The following NKIRAS1 variants were observed in gnomAD, a reference collection of about 807,000 sequenced individuals.
NKIRAS1 encodes NFKB inhibitor interacting Ras like 1, also known as NF-kappa-B inhibitor-interacting Ras-like protein 1.
Under a neutral mutation model 19.8 loss-of-function variants are expected in NKIRAS1, and 16 were observed. The observed-to-expected ratio is 0.81, with a 90% CI of 0.55 to 1.23. The LOEUF is 1.23. Ranked by LOEUF, NKIRAS1 falls within the 50% of genes most tolerant of loss-of-function variation. The probability of loss-of-function intolerance (pLI) is 0.00; values close to 1 mark genes in which losing one functional copy is unlikely to be tolerated. For missense variants in NKIRAS1, 184 were observed against 220.0 expected (o/e 0.84, Z 1.04); for synonymous variants, 88 against 79.0 (o/e 1.11, Z -0.61).
At chr3:23,943,859 T>C (rs2125273322) in intron 1 of NKIRAS1, among the ~76,000 whole-genome samples, 1 of 152,362 alleles carries the variant, frequency 6.6e-6, no homozygotes, top group East Asian at 1.9e-4. Flanking sequence ...CCCACATCTG[T>C]GCAGGGCGAA....
chr3:23,923,538 AT>A (rs1341313098), intron 1 of NKIRAS1: 1 of 152,152 alleles, frequency 6.6e-6, no homozygotes, highest in Non-Finnish European at 1.5e-5. Flanking sequence ...TTCTTTTGGT[AT>A]AACTGCATGG....
chr3:23,904,772 C>G (rs1259288122), intron 3 of NKIRAS1, among the ~76,000 whole-genome samples: 1 of 152,140 alleles, frequency 6.6e-6, no homozygotes, highest in Admixed American at 6.5e-5. Flanking sequence ...GACACACCTT[C>G]TATGAATCAG....
At position 23,890,335 on chromosome 3, in the gene NKIRAS1, T is replaced by TTATG. The variant is rs763083858; in HGVS notation, c.*2756_*2759dup. Among the ~76,000 whole-genome samples, 1 of 152,168 alleles carries TTATG rather than the reference T, an allele frequency of 6.6e-6. No homozygotes were observed. Among genetic ancestry groups the TTATG allele is most frequent in the Non-Finnish European group, 1.5e-5 (1 of 68,028 alleles). On this transcript the variant is annotated 3_prime_UTR_variant, in exon 5 of 5. Coordinates refer to ENST00000425478, the MANE Select transcript of NKIRAS1 (RefSeq NM_020345.4). Reference sequence around the variant, plus strand: ...CTAAGCATTCCCTCTTCCCCCAACGTTATGTTTTTTTGAAATTTTGATGGA... The same window carrying TTATG: ...CTAAGCATTCCCTCTTCCCCCAACGTTATGTATGTTTTTTTGAAATTTTGATGGA...
chr3:23,912,383 T>C (rs544851870), intron 1 of NKIRAS1, among the ~76,000 whole-genome samples: 1 of 152,240 alleles, frequency 6.6e-6, no homozygotes, highest in South Asian at 2.1e-4. Context: ...GGGCGAAGGA[T>C]ATGAACAGAC....
intron 1 of NKIRAS1, among the ~76,000 whole-genome samples, chr3:23,945,041 T>C (rs911392708): frequency 1.3e-5 from 2 of 148,524 alleles, no homozygotes; most frequent in Non-Finnish European, 3.0e-5. Flanking sequence ...AGGGGAGGAA[T>C]ATGCGGCGGA....
At position 23,910,894 on chromosome 3, in the gene NKIRAS1, C is replaced by G. The variant is rs762202193; in HGVS notation, c.11G>C (p.Gly4Ala). The change falls in exon 3 of 5, where the codon GGC (glycine) becomes GCC (alanine). Residue 4 changes from glycine (G) to alanine (A), a missense_variant. Coordinates refer to ENST00000425478, the MANE Select transcript of NKIRAS1 (RefSeq NM_020345.4). ...CAATCCACAAACCACAACCTTGCAG[C>G]CCTTTCCCATCTTCTCTCAGGATAT... MGK[G>A]CKVVVCGLLS... 1 of 1,614,080 alleles carries G rather than the reference C, an allele frequency of 6.2e-7. No homozygotes were observed. Among genetic ancestry groups the G allele is most frequent in the Non-Finnish European group, 8.5e-7 (1 of 1,179,934 alleles).
At chr3:23,915,101 G>A (rs1030847974) in intron 1 of NKIRAS1, among the ~76,000 whole-genome samples, 1 of 151,896 alleles carries the variant, frequency 6.6e-6, no homozygotes, top group Admixed American at 6.6e-5. Context: ...ATTTTGCGGG[G>A]GTGATTAAAT....
Position 23,891,142 on chromosome 3 carries a change from T to TA in NKIRAS1, c.*1952dup, listed in dbSNP as rs1701426960. 6.6e-6 allele frequency: 1 copy of TA among 152,620 alleles called. No homozygotes were observed. Among genetic ancestry groups the TA allele is most frequent in the African/African-American group, 2.4e-5 (1 of 41,432 alleles). 9.5% of individuals were successfully genotyped at this position (152,620 alleles called of 1,614,324 possible). ...ATTTTATATGCCAATCTACTTTGTT[T>TA]AAAAAAGGTCTGAATCAGGACTTGT... is the stretch of plus-strand genomic sequence containing the variant. On this transcript the variant is annotated 3_prime_UTR_variant, in exon 5 of 5. Transcript: ENST00000425478.
chr3:23,909,867 T>TG (rs1415141733), intron 3 of NKIRAS1, among the ~76,000 whole-genome samples: 284 of 149,898 alleles, frequency 1.9e-3, no homozygotes, highest in African/African-American at 5.9e-3. Flanking sequence ...TTTTTTTGTT[T>TG]TTTTTTTTTT....
At chr3:23,936,729 C>G (rs1705400483) in intron 1 of NKIRAS1, among the ~76,000 whole-genome samples, 1 of 152,112 alleles carries the variant, frequency 6.6e-6, no homozygotes, top group Non-Finnish European at 1.5e-5. Flanking sequence ...TGTATTTTTA[C>G]TAGAGATGAG....
At chr3:23,903,495 C>T (rs557731562) in intron 3 of NKIRAS1, among the ~76,000 whole-genome samples, 8 of 151,892 alleles carry the variant, frequency 5.3e-5, no homozygotes, top group Non-Finnish European at 8.8e-5. Context: ...AAGAAGAGAC[C>T]GCTACAGAGA....
chr3:23,928,799 C>G (rs1705255582), intron 1 of NKIRAS1, among the ~76,000 whole-genome samples: 1 of 150,994 alleles, frequency 6.6e-6, no homozygotes, highest in Non-Finnish European at 1.5e-5. Context: ...CAAGACCTGC[C>G]TAGGCAACAC....
rs779076809 is a variant in NKIRAS1 at position 23,890,674 on chromosome 3, G to A, written c.*2421C>T. The stretch of plus-strand genomic sequence containing the variant: ...GAGAGCTGCTTATGATTTTGAAGGG[G>A]TCAGGGAGGGTGGGAGTTGGTAAAG... On this transcript the variant is annotated 3_prime_UTR_variant, in exon 5 of 5. Coordinates refer to ENST00000425478, the MANE Select transcript of NKIRAS1 (RefSeq NM_020345.4). 1.2e-5 allele frequency: 14 copies of A among 1,202,768 alleles called. No individual in the cohort carries two copies. Among genetic ancestry groups the A allele is most frequent in the Non-Finnish European group, 1.7e-5 (14 of 841,876 alleles). 74.5% of individuals were successfully genotyped at this position (1,202,768 alleles called of 1,614,324 possible). A position where few individuals can be genotyped will look rare whatever the true frequency, so the allele number is the denominator to read the frequency against.
At chr3:23,897,488 T>C (rs1702097710) in intron 4 of NKIRAS1, among the ~76,000 whole-genome samples, 1 of 152,154 alleles carries the variant, frequency 6.6e-6, no homozygotes, top group East Asian at 1.9e-4. Context: ...TTAAGCCATA[T>C]CATGTCATTC....
intron 4 of NKIRAS1, among the ~76,000 whole-genome samples, chr3:23,894,914 C>A (rs117219953): frequency 6.6e-6 from 1 of 152,218 alleles, no homozygotes; most frequent in Non-Finnish European, 1.5e-5. Flanking sequence ...GGTCATAATT[C>A]TTAGTGATTT....
chr3:23,924,030 G>A (rs1705164220), intron 1 of NKIRAS1: 1 of 152,138 alleles, frequency 6.6e-6, no homozygotes, highest in Non-Finnish European at 1.5e-5. Context: ...TTCCCTCCAA[G>A]AAAAACAACA....
chr3:23,913,040 CAAA>C (rs1169515621), intron 1 of NKIRAS1, among the ~76,000 whole-genome samples: 1 of 47,708 alleles, frequency 2.1e-5, no homozygotes, highest in Admixed American at 2.2e-4. Context: ...GACTCCGTCT[CAAA>C]AAAAAAAAAA....
At chr3:23,897,043 C>CA (rs568836607) in intron 4 of NKIRAS1, among the ~76,000 whole-genome samples, 52 of 151,450 alleles carry the variant, frequency 3.4e-4, no homozygotes, top group South Asian at 2.3e-3. Context: ...CTTGTCTTTG[C>CA]AAAAAAATAA....
chr3:23,917,951 G>A, upstream of NKIRAS1: 1 of 1,613,772 alleles, frequency 6.2e-7, no homozygotes, highest in Non-Finnish European at 8.5e-7. Context: ...TGGCAGTACC[G>A]CCAGCTCTCT....
Sources: allele counts gnomAD v4.1 joint callset (sites outside exome capture counted in the v4.1 genomes callset), GRCh38; gene constraint gnomAD v4.1.1; transcripts MANE v1.5; gene names NCBI Gene and HGNC (gene_info 2026-07-23, HGNC 2026-07-21).